CSTPP1: variants seen among roughly 807,000 people sequenced by gnomAD.
CSTPP1 encodes the protein centriolar satellite-associated tubulin polyglutamylase complex regulator 1, also known as UPF0705 protein C11orf49.
chr11:47,120,695 C>T, the CSTPP1 span, among the ~76,000 whole-genome samples: 285 of 152,310 alleles, frequency 1.9e-3, 1 homozygote, highest in African/African-American at 6.6e-3. This position sits in a 1 kb window ranked among gnomAD's most constrained non-coding sequence, Gnocchi z 4.2. Flanking sequence ...TTGCTAGTTA[C>T]GTAACTGGGC....
chr11:47,162,653 G>A, the CSTPP1 span, among the ~76,000 whole-genome samples: 1 of 152,278 alleles, frequency 6.6e-6, no homozygotes, highest in South Asian at 2.1e-4. Context: ...ACTGGAGGCA[G>A]GTAAGGACGA....
the CSTPP1 span, among the ~76,000 whole-genome samples, chr11:47,152,406 G>A: frequency 3.9e-5 from 6 of 152,206 alleles, no homozygotes; most frequent in African/African-American, 1.4e-4. Flanking sequence ...GCCCCTAGCA[G>A]AAAGCTGCAG....
chr11:47,101,181 TTTTTTTTTATTTTA>T, the CSTPP1 span, among the ~76,000 whole-genome samples: 11 of 96,270 alleles, frequency 1.1e-4, 1 homozygote, highest in South Asian at 4.8e-4. Context: ...TTTTTTTTTT[TTTTTTTTTATTTTA>T]TTTTTAGTAG....
At chr11:47,089,026 T>C in the CSTPP1 span, among the ~76,000 whole-genome samples, 1 of 152,212 alleles carries the variant, frequency 6.6e-6, no homozygotes, top group African/African-American at 2.4e-5. Context: ...CTGAATAATG[T>C]ATCAACTTGT....
chr11:47,053,483 G>T, the CSTPP1 span, among the ~76,000 whole-genome samples: 1 of 151,968 alleles, frequency 6.6e-6, no homozygotes. Flanking sequence ...GCCAGGTGTG[G>T]TGGCGCACTC....
chr11:47,144,688 T>G, the CSTPP1 span, among the ~76,000 whole-genome samples: 2 of 152,136 alleles, frequency 1.3e-5, no homozygotes, highest in Non-Finnish European at 2.9e-5. Flanking sequence ...TCTGGCCTCC[T>G]CCCAGCTGGG....
At chr11:47,080,523 A>G in the CSTPP1 span, among the ~76,000 whole-genome samples, 15 of 152,296 alleles carry the variant, frequency 9.8e-5, no homozygotes, top group South Asian at 2.9e-3. Flanking sequence ...TAACCAGTCA[A>G]TGCTACTGTA....
the CSTPP1 span, among the ~76,000 whole-genome samples, chr11:47,063,360 T>G: frequency 1.3e-5 from 2 of 152,324 alleles, no homozygotes; most frequent in East Asian, 3.9e-4. Context: ...TAACCATTTT[T>G]AAGTGTACAG....
At chr11:46,948,042 A>G in the CSTPP1 span, 3 of 456,290 alleles carry the variant, frequency 6.6e-6, no homozygotes, top group Non-Finnish European at 1.3e-5. Context: ...TTGAAACAAT[A>G]ACACTTTTGA....
chr11:47,004,231 A>C, the CSTPP1 span: 2 of 148,752 alleles, frequency 1.3e-5, no homozygotes, highest in Non-Finnish European at 3.0e-5. Flanking sequence ...CCCAGGCTGG[A>C]GTTGTAGCAC....
chr11:47,085,541 T>C, the CSTPP1 span, among the ~76,000 whole-genome samples: 1 of 152,052 alleles, frequency 6.6e-6, no homozygotes, highest in Admixed American at 6.5e-5. Flanking sequence ...GAGATTGAAA[T>C]AGGTCATGCA....
the CSTPP1 span, among the ~76,000 whole-genome samples, chr11:47,000,336 A>G: frequency 6.6e-6 from 1 of 152,204 alleles, no homozygotes; most frequent in Non-Finnish European, 1.5e-5. Flanking sequence ...ATGAAATCTG[A>G]GAATTTGTAT....
the CSTPP1 span, among the ~76,000 whole-genome samples, chr11:46,998,075 C>T: frequency 6.6e-6 from 1 of 152,150 alleles, no homozygotes; most frequent in Non-Finnish European, 1.5e-5. Context: ...AGATCCATTA[C>T]CCTCTTCAAA....
the CSTPP1 span, among the ~76,000 whole-genome samples, chr11:46,984,722 C>A: frequency 6.7e-6 from 1 of 149,790 alleles, no homozygotes; most frequent in Non-Finnish European, 1.5e-5. Context: ...CTAAGTAGAG[C>A]TCTTTCATTT....
the CSTPP1 span, among the ~76,000 whole-genome samples, chr11:47,051,598 C>A: frequency 2.0e-5 from 3 of 152,076 alleles, no homozygotes; most frequent in Non-Finnish European, 4.4e-5. Flanking sequence ...CCACCCCAAA[C>A]TGGAACAGCC....
At chr11:47,098,343 TAAAAA>T in the CSTPP1 span, among the ~76,000 whole-genome samples, 1 of 148,736 alleles carries the variant, frequency 6.7e-6, no homozygotes, top group Non-Finnish European at 1.5e-5. Context: ...AAATAAAAAA[TAAAAA>T]AAAATAAAGC....
the CSTPP1 span, chr11:47,041,177 T>A: frequency 2.4e-5 from 5 of 211,542 alleles, 2 homozygotes; most frequent in Non-Finnish European, 5.1e-5. Context: ...TTGGCCTGGA[T>A]CTTGTGTCAG....
the CSTPP1 span, among the ~76,000 whole-genome samples, chr11:47,085,096 C>T: frequency 4.0e-5 from 6 of 151,858 alleles, no homozygotes; most frequent in South Asian, 6.2e-4. Flanking sequence ...CCCAGCTAGT[C>T]GGGAGGCTGA....
At chr11:46,996,744 C>T in the CSTPP1 span, among the ~76,000 whole-genome samples, 2 of 151,178 alleles carry the variant, frequency 1.3e-5, no homozygotes, top group East Asian at 1.9e-4. Context: ...TTCAGGGGCT[C>T]GCCTGGTGGT....
Sources: gnomAD v4.1 joint callset for allele counts (sites outside exome capture counted in the v4.1 genomes callset) on GRCh38, gnomAD v4.1.1 for gene constraint, Gnocchi (gnomAD v3.1) non-coding constraint, MANE v1.5 for transcripts, NCBI Gene and HGNC (gene_info 2026-07-23, HGNC 2026-07-21) for gene names.